The following FGF13 variants were observed in gnomAD, a reference collection of about 807,000 sequenced individuals.
The protein encoded by FGF13 is fibroblast growth factor homologous factor 2.
A neutral mutation model predicts 19.5 loss-of-function variants in FGF13; 2 were observed. The ratio of observed to expected loss-of-function variants is 0.10; its 90% CI spans 0.04 to 0.32. FGF13 has a LOEUF of 0.32. FGF13 is among the 10% of genes least tolerant of loss of function. The pLI is 1.00. For synonymous variants in FGF13, 72 were observed against 76.9 expected, an observed-to-expected ratio of 0.94 and a Z score of 0.33; for missense variants, 113 against 192.7, an observed-to-expected ratio of 0.59 and a Z score of 2.45.
At chrX:138,880,666 C>T (rs116407960) in intron 1 of FGF13, among the ~76,000 whole-genome samples, 3 of 111,455 alleles carry the variant, frequency 2.7e-5, no homozygotes, top group East Asian at 2.8e-4. Flanking sequence ...CAGTCGACTC[C>T]GCAGCACCTG....
intron 1 of FGF13, among the ~76,000 whole-genome samples, chrX:138,956,184 A>AG (rs2091840390): frequency 8.9e-6 from 1 of 111,773 alleles, no homozygotes; most frequent in South Asian, 3.8e-4. Context: ...TGTCTGTGGG[A>AG]GGCCAACAGG....
At chrX:139,158,636 C>G (rs1429470014) in intron 1 of FGF13, among the ~76,000 whole-genome samples, 1 of 111,029 alleles carries the variant, frequency 9.0e-6, no homozygotes, top group Admixed American at 9.6e-5. Context: ...ACATAAATGA[C>G]CTGATGGAGG....
intron 1 of FGF13, among the ~76,000 whole-genome samples, chrX:139,049,098 A>C (rs922212652): frequency 6.3e-5 from 7 of 111,195 alleles, no homozygotes; most frequent in Non-Finnish European, 1.3e-4. Flanking sequence ...AATTTTTAAA[A>C]TTTTTAATTA....
intron 3 of FGF13, among the ~76,000 whole-genome samples, chrX:138,837,916 C>T (rs1348794008): frequency 8.9e-6 from 1 of 112,040 alleles, no homozygotes; most frequent in Non-Finnish European, 1.9e-5. Flanking sequence ...GGGTGGTGGC[C>T]CCAGTTGGGA....
rs1356584375 is a variant in FGF13 at position 138,620,173 on chromosome X, A to C, written c.*12677T>G. 8.9e-6 allele frequency: 1 copy of C among 111,752 alleles called. No homozygotes were observed. The highest frequency in any genetic ancestry group is 3.3e-5 in the African/African-American group (1 of 30,679). The allele number at this position is 111,752 out of a possible 1,213,427, so 9.2% of individuals were successfully genotyped here. The stretch of plus-strand genomic sequence containing the variant: ...GAGATCATGTCATTTTCAGGGACAC[A>C]CATGGCGCTGGAAGCCATTATTCTT... On this transcript the variant is annotated 3_prime_UTR_variant, in exon 5 of 5. Coordinates refer to ENST00000315930, the MANE Select transcript of FGF13 (RefSeq NM_004114.5).
intron 1 of FGF13, among the ~76,000 whole-genome samples, chrX:139,155,026 CA>C (rs1322321370): frequency 9.0e-6 from 1 of 111,660 alleles, no homozygotes; most frequent in Admixed American, 9.5e-5. Context: ...ATTATACATA[CA>C]TACAAAGCTT....
chrX:138,701,080 AAATATT>A (rs776590646), intron 3 of FGF13, among the ~76,000 whole-genome samples: 2 of 112,687 alleles, frequency 1.8e-5, no homozygotes, highest in African/African-American at 6.4e-5. Flanking sequence ...ATTCTTACTT[AAATATT>A]ATTTCCAAAG....
intron 3 of FGF13, among the ~76,000 whole-genome samples, chrX:138,807,946 C>A (rs1602888658): frequency 1.8e-5 from 2 of 111,349 alleles, no homozygotes; most frequent in Non-Finnish European, 1.9e-5. Context: ...TAAAGCAAGT[C>A]CTTAGAGACC....
At chrX:138,810,746 AG>A (rs2090915848) in intron 3 of FGF13, among the ~76,000 whole-genome samples, 1 of 112,279 alleles carries the variant, frequency 8.9e-6, no homozygotes, top group African/African-American at 3.2e-5. Flanking sequence ...ACAAGTTTAC[AG>A]GAAAAAATCA....
exon 3 of FGF13, chrX:138,857,521 C>T: frequency 8.4e-7 from 1 of 1,195,970 alleles, no homozygotes; most frequent in South Asian, 1.9e-5. Flanking sequence ...CCTTCCGGCT[C>T]TGTGTTCTCT....
chrX:138,953,446 G>A (rs2124292070), intron 1 of FGF13, among the ~76,000 whole-genome samples: 1 of 110,528 alleles, frequency 9.0e-6, no homozygotes, highest in Non-Finnish European at 1.9e-5. Flanking sequence ...GTGGAGGGGG[G>A]AGGGATAGCA....
intron 1 of FGF13, among the ~76,000 whole-genome samples, chrX:139,177,238 CT>C (rs35867493): frequency 2.2e-3 from 110 of 49,910 alleles, no homozygotes; most frequent in East Asian, 3.6e-3. Context: ...GCAACCCCTG[CT>C]TTTTTTTTTT....
intron 1 of FGF13, among the ~76,000 whole-genome samples, chrX:138,870,392 C>T (rs746476159): frequency 1.3e-4 from 14 of 111,799 alleles, no homozygotes; most frequent in Non-Finnish European, 2.4e-4. Context: ...CAACATATCC[C>T]GATTAACCCA....
At chrX:138,667,207 T>A (rs1277551156) in intron 3 of FGF13, among the ~76,000 whole-genome samples, 3 of 107,162 alleles carry the variant, frequency 2.8e-5, no homozygotes, top group Non-Finnish European at 3.8e-5. Context: ...TTGGAATATA[T>A]GTATACATAT....
intron 1 of FGF13, among the ~76,000 whole-genome samples, chrX:138,876,416 T>C (rs143567508): frequency 0.013 from 1,499 of 112,367 alleles, 30 homozygotes; most frequent in African/African-American, 0.047. Context: ...TCTGGGTGGG[T>C]CTGACTTAAT....
chrX:138,710,051 T>G (rs775446571), intron 1 of FGF13, among the ~76,000 whole-genome samples: 1 of 111,161 alleles, frequency 9.0e-6, no homozygotes, highest in South Asian at 3.8e-4. Context: ...AGGTCTGCCT[T>G]GACGCAACCT....
intron 3 of FGF13, among the ~76,000 whole-genome samples, chrX:138,665,774 G>C (rs2089536765): frequency 9.0e-6 from 1 of 110,901 alleles, no homozygotes; most frequent in African/African-American, 3.3e-5. Flanking sequence ...TGTAAAACTA[G>C]TGACAAAAGT....
At chrX:139,133,206 G>A (rs969696515) in intron 1 of FGF13, among the ~76,000 whole-genome samples, 1 of 109,936 alleles carries the variant, frequency 9.1e-6, no homozygotes, top group Non-Finnish European at 1.9e-5. Flanking sequence ...TTCATGGAAT[G>A]CACTCTGGGA....
intron 1 of FGF13, among the ~76,000 whole-genome samples, chrX:139,033,042 A>AC (rs2092234984): frequency 9.6e-6 from 1 of 103,652 alleles, no homozygotes; most frequent in Non-Finnish European, 2.0e-5. Context: ...AAAAAAAAAA[A>AC]AAAAAAAAAA....
Sources: gnomAD v4.1 joint callset for allele counts (sites outside exome capture counted in the v4.1 genomes callset) on GRCh38, gnomAD v4.1.1 for gene constraint, MANE v1.5 for transcripts, NCBI Gene and HGNC (gene_info 2026-07-23, HGNC 2026-07-21) for gene names.